PCDHGA1: variants seen among roughly 807,000 people sequenced by gnomAD.
PCDHGA1 encodes the protein protocadherin gamma subfamily A, 1, also known as protocadherin gamma-A1.
In PCDHGA1, 32 loss-of-function variants were observed where a neutral mutation model predicts 58.0. The observed-to-expected ratio is 0.55, with a 90% confidence interval of 0.42 to 0.74. The LOEUF (loss-of-function observed/expected upper bound fraction) is 0.74, where lower values mean the gene tolerates loss of function less well. Ranked by LOEUF, PCDHGA1 falls within the 30% of genes least tolerant of loss-of-function variation. The probability of loss-of-function intolerance (pLI) is 0.00; values close to 1 mark genes in which losing one functional copy is unlikely to be tolerated. For synonymous variants in PCDHGA1, 498 were observed against 501.1 expected (o/e 0.99, Z 0.08); for missense variants, 1,205 against 1,182.3 (o/e 1.02, Z -0.28).
rs1386737349 is a variant in PCDHGA1 at position 141,486,423 on chromosome 5, C to T, written c.2422-8384C>T. The T allele has an allele frequency of 6.2e-7, 1 of 1,614,042 alleles. No individual in the cohort carries two copies. The highest frequency in any genetic ancestry group is 8.5e-7 in the Non-Finnish European group (1 of 1,180,030). ...ACTGCTGGACCCTTGGATCGAGAGG[C>T]CAAATCTAGCTATGACATCATGGTC... is the stretch of plus-strand genomic sequence containing the variant. On this transcript the variant is annotated intron_variant, in intron 1 of 3. Transcript: ENST00000517417. The surrounding 1 kb of genome is among the most constrained non-coding windows in gnomAD (Gnocchi z 5.0).
rs1179408656 is a variant in PCDHGA1, at chr5:141,395,537, A to ATTGT, written c.2421+62437_2421+62440dup. 1,010 of 243,944 alleles carry ATTGT rather than the reference A, an allele frequency of 4.1e-3. 17 individuals are homozygous for ATTGT. In the African/African-American group the frequency reaches 0.049, roughly 12 times the overall value. The allele number at this position is 243,944 out of a possible 1,614,324, so 15.1% of individuals were successfully genotyped here. On this transcript the variant is annotated intron_variant, in intron 1 of 3. Coordinates refer to ENST00000517417, the MANE Select transcript of PCDHGA1 (RefSeq NM_018912.3). ...ACCCGTCCATACTGGTAATTTTGCT[A>ATTGT]TTGTTTGTGTGTGTGTGTGTGTGTG... is the stretch of plus-strand genomic sequence containing the variant.
At chr5:141,392,825 A>T in intron 1 of PCDHGA1, 1 of 1,601,466 alleles carries the variant, frequency 6.2e-7, no homozygotes. Context: ...TGGCCGCTCC[A>T]CAGAGTCGCC....
intron 1 of PCDHGA1, chr5:141,409,044 T>G (rs2095215005): frequency 6.2e-7 from 1 of 1,613,762 alleles, no homozygotes; most frequent in African/African-American, 1.3e-5. Context: ...AACTACTACT[T>G]CCGAAGCACT....
chr5:141,332,078 A>G lies in PCDHGA1; in HGVS notation c.1394A>G (p.Asn465Ser). The G allele has an allele frequency of 6.2e-7, 1 of 1,613,914 alleles. No individual in the cohort carries two copies. Among genetic ancestry groups the G allele is most frequent in the Middle Eastern group, 1.6e-4 (1 of 6,062 alleles). The change falls in exon 1 of 4, where the codon AAC (asparagine) becomes AGC (serine). Residue 465 changes from asparagine (N) to serine (S), a missense_variant. By Grantham distance (46) the Asn-to-Ser change is conservative. Coordinates refer to ENST00000517417, the MANE Select transcript of PCDHGA1 (RefSeq NM_018912.3). The surrounding 1 kb of genome is among the most constrained non-coding windows in gnomAD (Gnocchi z 4.6). ...TACTCTGCCTACATTCCCGAAAACA[A>G]CCCCAGAGGAGCCTCCATCTTCTCT... is the stretch of plus-strand genomic sequence containing the variant. ...DSYSAYIPEN[N>S]PRGASIFSVR...
rs757797019 is a variant in PCDHGA1 at position 141,487,064 on chromosome 5, G to A, written c.2422-7743G>A. On this transcript the variant is annotated intron_variant, in intron 1 of 3. Transcript: ENST00000517417. The surrounding 1 kb of genome is among the most constrained non-coding windows in gnomAD (Gnocchi z 5.0). The stretch of plus-strand genomic sequence containing the variant: ...TCGATATGCTGGGGAGGTGCGGACG[G>A]CTGTTCCTATCCCAGCTGACCTCCC... 6.2e-6 allele frequency: 10 copies of A among 1,614,006 alleles called. No individual in the cohort carries two copies.
At chr5:141,461,979 A>C (rs1420971777) in intron 1 of PCDHGA1, among the ~76,000 whole-genome samples, 1 of 152,144 alleles carries the variant, frequency 6.6e-6, no homozygotes, top group Non-Finnish European at 1.5e-5. Context: ...ATATGCCACC[A>C]CGCCAGGCTA....
At chr5:141,359,313 G>A (rs766981687) in intron 1 of PCDHGA1, among the ~76,000 whole-genome samples, 9 of 152,032 alleles carry the variant, frequency 5.9e-5, no homozygotes, top group Admixed American at 5.2e-4. Flanking sequence ...TCAGGTGTTG[G>A]CATTAGGAAT....
chr5:141,346,510 T>A, intron 1 of PCDHGA1: 1 of 1,605,456 alleles, frequency 6.2e-7, no homozygotes, highest in Non-Finnish European at 8.5e-7. Flanking sequence ...AATGTGGTTA[T>A]TATAAAGCTT....
chr5:141,464,622 CT>C (rs947370342), intron 1 of PCDHGA1, among the ~76,000 whole-genome samples: 8 of 152,058 alleles, frequency 5.3e-5, no homozygotes, highest in African/African-American at 1.9e-4. Flanking sequence ...TATTGTCAAG[CT>C]TTTTAATTGT....
chr5:141,396,584 C>T (rs2093399172), intron 1 of PCDHGA1: 1 of 151,318 alleles, frequency 6.6e-6, no homozygotes, highest in Non-Finnish European at 1.5e-5. Flanking sequence ...CCTGTCACTG[C>T]ACTCCAGCCT....
chr5:141,340,948 G>A (rs368068750), intron 1 of PCDHGA1: 2 of 1,613,692 alleles, frequency 1.2e-6, no homozygotes, highest in African/African-American at 1.3e-5. Context: ...CCACTGTCAC[G>A]CTCACCGTGG....
At chr5:141,377,665 G>A (rs1040007479) in intron 1 of PCDHGA1, 1 of 151,618 alleles carries the variant, frequency 6.6e-6, no homozygotes, top group Non-Finnish European at 1.5e-5. Flanking sequence ...AACGACAGAC[G>A]TTCATACAAG....
chr5:141,387,024 G>T (rs888266912), intron 1 of PCDHGA1, among the ~76,000 whole-genome samples: 2 of 152,172 alleles, frequency 1.3e-5, no homozygotes, highest in Non-Finnish European at 2.9e-5. Context: ...GATGAATGTT[G>T]TATTTCATAA....
intron 1 of PCDHGA1, chr5:141,392,685 A>C: frequency 8.3e-6 from 9 of 1,078,992 alleles, no homozygotes; most frequent in Non-Finnish European, 1.2e-5. Context: ...ACTGCAGCGA[A>C]ACCCGACCCC....
At chr5:141,453,464 C>A (rs186131587) in intron 1 of PCDHGA1, among the ~76,000 whole-genome samples, 16 of 152,090 alleles carry the variant, frequency 1.1e-4, no homozygotes, top group Non-Finnish European at 1.9e-4. Flanking sequence ...AAAACATTAA[C>A]ATAAAGTCAA....
chr5:141,412,967 A>G, intron 1 of PCDHGA1: 1 of 520,650 alleles, frequency 1.9e-6, no homozygotes, highest in Non-Finnish European at 3.3e-6. Context: ...CTACTAGGAG[A>G]GAAAACGCAG....
intron 1 of PCDHGA1, chr5:141,410,800 T>G: frequency 1.5e-6 from 1 of 678,550 alleles, no homozygotes. Context: ...TAAGTTGCTC[T>G]ATCTTTTTGT....
Position 141,490,365 on chromosome 5 carries a change from A to G in PCDHGA1, c.2422-4442A>G. The G allele has an allele frequency of 6.2e-7, 1 of 1,614,170 alleles. No individual in the cohort carries two copies. The highest frequency in any genetic ancestry group is 8.5e-7 in the Non-Finnish European group (1 of 1,180,030). On this transcript the variant is annotated intron_variant, in intron 1 of 3. Coordinates refer to ENST00000517417, the MANE Select transcript of PCDHGA1 (RefSeq NM_018912.3). The surrounding 1 kb of genome is among the most constrained non-coding windows in gnomAD (Gnocchi z 5.4). ...CAGTAGTGGGGTTGTTTAATGTGCG[A>G]GACCGGGACTCAGGTAGAAATGGTG...
At chr5:141,355,704 G>A (rs1022748155) in intron 1 of PCDHGA1, 1 of 1,613,868 alleles carries the variant, frequency 6.2e-7, no homozygotes, top group East Asian at 2.2e-5. Flanking sequence ...ACTCCCTGCA[G>A]GGTTACCAGC....
Sources: gnomAD v4.1 joint callset for allele counts (sites outside exome capture counted in the v4.1 genomes callset) on GRCh38, gnomAD v4.1.1 for gene constraint, Gnocchi (gnomAD v3.1) non-coding constraint, MANE v1.5 for transcripts, NCBI Gene and HGNC (gene_info 2026-07-23, HGNC 2026-07-21) for gene names.